The following TNFRSF9 variants were observed in gnomAD, a reference collection of about 807,000 sequenced individuals.
TNFRSF9 encodes TNF receptor superfamily member 9, also known as tumor necrosis factor receptor superfamily member 9.
Under a neutral mutation model 28.8 loss-of-function variants are expected in TNFRSF9, and 16 were observed. The observed-to-expected ratio is 0.55, with a 90% CI of 0.38 to 0.84. TNFRSF9 has a LOEUF of 0.84. Ranked by LOEUF, TNFRSF9 falls within the 40% of genes least tolerant of loss-of-function variation. The pLI is 0.00. For missense variants in TNFRSF9, 303 were observed against 315.0 expected (o/e 0.96, Z 0.29); for synonymous variants, 131 against 117.0 (o/e 1.12, Z -0.77).
chr1:7,935,225 C>A, intron 5 of TNFRSF9, 82 bp from the exon 6 acceptor site: 1 of 1,480,180 alleles, frequency 6.8e-7, no homozygotes, highest in East Asian at 2.4e-5. Context: ...ATTTTTCACC[C>A]AATGAAGTAG....
chr1:7,922,998 G>C (rs901977229), intron 7 of TNFRSF9, among the ~76,000 whole-genome samples: 1 of 151,316 alleles, frequency 6.6e-6, no homozygotes, highest in Non-Finnish European at 1.5e-5. Context: ...CGCCTCTTGG[G>C]TTCAAGCGGT....
At chr1:7,936,929 G>T (rs933014133) in intron 5 of TNFRSF9, among the ~76,000 whole-genome samples, 1 of 152,184 alleles carries the variant, frequency 6.6e-6, no homozygotes, top group South Asian at 2.1e-4. Flanking sequence ...GTAAGTTCTG[G>T]TTCCACAAAA....
At position 7,920,719 on chromosome 1, in the gene TNFRSF9, G is replaced by A. The variant is rs568936608; in HGVS notation, c.*116C>T. 3.7e-6 allele frequency: 3 copies of A among 815,586 alleles called. No individual in the cohort carries two copies. The highest frequency in any genetic ancestry group is 2.2e-5 in the Admixed American group (1 of 44,446). The allele number at this position is 815,586 out of a possible 1,614,324, so 50.5% of individuals were successfully genotyped here. A position where few individuals can be genotyped will look rare whatever the true frequency, so the allele number is the denominator to read the frequency against. On this transcript the variant is annotated 3_prime_UTR_variant, in exon 8 of 8. Coordinates refer to ENST00000377507, the MANE Select transcript of TNFRSF9 (RefSeq NM_001561.6). ...CATTTAGAAAAGAACGTGTGTTGGG[G>A]GAATCCTGGGTATTATGTAGGATGG...
chr1:7,924,334 T>A (rs1030020945), intron 7 of TNFRSF9, among the ~76,000 whole-genome samples: 1 of 122,996 alleles, frequency 8.1e-6, no homozygotes, highest in African/African-American at 3.0e-5. Flanking sequence ...TATATATATA[T>A]AACCAGTTAA....
In TNFRSF9 at chr1:7,932,313, A is replaced by C. The variant is rs79671887; in HGVS notation, c.679+849T>G. 7.9e-4 allele frequency among the ~76,000 whole-genome samples: 121 copies of C among 152,250 alleles called. 2 individuals carry two copies. In the East Asian group the frequency reaches 0.021, roughly 26 times the overall value. ...TATTAAGCCTGTTATGTCTCATCCT[A>C]ATGTCCATGAAGACAAAAAACAGAT... On this transcript the variant is annotated intron_variant, in intron 7 of 7. Transcript: ENST00000377507.
Position 7,917,981 on chromosome 1 carries a change from T to G in TNFRSF9, c.*2854A>C, listed in dbSNP as rs1030908366. The G allele has an allele frequency of 5.1e-4, 74 of 146,280 alleles. No individual in the cohort carries two copies. The highest frequency in any genetic ancestry group is 1.7e-3 in the African/African-American group (64 of 37,698). 9.1% of individuals were successfully genotyped at this position (146,280 alleles called of 1,614,324 possible). A position where few individuals can be genotyped will look rare whatever the true frequency, so the allele number is the denominator to read the frequency against. On this transcript the variant is annotated 3_prime_UTR_variant, in exon 8 of 8. Coordinates refer to ENST00000377507, the MANE Select transcript of TNFRSF9 (RefSeq NM_001561.6). Reference sequence around the variant, plus strand: ...ATATATATATATATATATATAGATATAGATAGATAGATAGATAGATAGGCA... The same window carrying G: ...ATATATATATATATATATATAGATAGAGATAGATAGATAGATAGATAGGCA...
Position 7,917,983 on chromosome 1 carries a change from G to T in TNFRSF9, c.*2852C>A, listed in dbSNP as rs1259771166. 7.0e-4 allele frequency: 101 copies of T among 144,732 alleles called. No individual in the cohort carries two copies. Among genetic ancestry groups the T allele is most frequent in the African/African-American group, 2.5e-3 (89 of 36,168 alleles). 9.0% of individuals were successfully genotyped at this position (144,732 alleles called of 1,614,324 possible). A position where few individuals can be genotyped will look rare whatever the true frequency, so the allele number is the denominator to read the frequency against. On this transcript the variant is annotated 3_prime_UTR_variant, in exon 8 of 8. Transcript: ENST00000377507. Reference sequence around the variant, plus strand: ...ATATATATATATATATATAGATATAGATAGATAGATAGATAGATAGGCAGA... The same window carrying T: ...ATATATATATATATATATAGATATATATAGATAGATAGATAGATAGGCAGA...
chr1:7,938,299 G>A lies in TNFRSF9; in HGVS notation c.240C>T (p.Ser80=), dbSNP rs2151420061. 1 of 1,609,234 alleles carries A rather than the reference G, an allele frequency of 6.2e-7. No homozygotes were observed. The highest frequency in any genetic ancestry group is 2.2e-5 in the East Asian group (1 of 44,592). Residue 80 remains serine, a synonymous_variant, in exon 4 of 8, where the codon TCC becomes TCT. Coordinates refer to ENST00000377507, the MANE Select transcript of TNFRSF9 (RefSeq NM_001561.6). Reference sequence around the variant, plus strand: ...TGCAGTCACACTCTGCATTGCTGGTGGAGGAACACTCCTTCCTGGTCCTGA... The same window carrying A: ...TGCAGTCACACTCTGCATTGCTGGTAGAGGAACACTCCTTCCTGGTCCTGA... ...GVFRTRKECS[S]TSNAECDCTP...
intron 6 of TNFRSF9, among the ~76,000 whole-genome samples, chr1:7,933,712 G>T (rs1386047344): frequency 3.3e-5 from 5 of 151,510 alleles, no homozygotes; most frequent in Non-Finnish European, 7.4e-5. Context: ...AGAAAAGAAA[G>T]AAAAGAAAAA....
chr1:7,925,235 G>A (rs769698276), intron 7 of TNFRSF9, among the ~76,000 whole-genome samples: 2 of 151,896 alleles, frequency 1.3e-5, no homozygotes, highest in African/African-American at 4.8e-5. Context: ...TTGAACCTGG[G>A]AGGTGCAGGC....
rs1383551650 is a variant in TNFRSF9 at position 7,916,558 on chromosome 1, C to A, written c.*4277G>T. ...GATACCCCAACCCTGTGGGGCATGA[C>A]CAGTCTCTTTCTGTTTGTGGATAGT... On this transcript the variant is annotated 3_prime_UTR_variant, in exon 8 of 8. Transcript: ENST00000377507. 6.6e-6 allele frequency: 1 copy of A among 152,154 alleles called. No homozygotes were observed. The highest frequency in any genetic ancestry group is 1.9e-4 in the East Asian group (1 of 5,196). The allele number at this position is 152,154 out of a possible 1,614,324, so 9.4% of individuals were successfully genotyped here.
intron 7 of TNFRSF9, chr1:7,921,929 G>A (rs1408561161): frequency 1.3e-5 from 2 of 152,012 alleles, no homozygotes; most frequent in South Asian, 2.1e-4. Context: ...ACTTATTTTC[G>A]TCTTGAGGGT....
chr1:7,927,822 T>A (rs1639677154), intron 7 of TNFRSF9, among the ~76,000 whole-genome samples: 1 of 151,844 alleles, frequency 6.6e-6, no homozygotes, highest in Admixed American at 6.6e-5. Flanking sequence ...AAACTGGACT[T>A]CAGCAAAATT....
intron 7 of TNFRSF9, among the ~76,000 whole-genome samples, chr1:7,927,672 A>G (rs926724645): frequency 6.6e-6 from 1 of 152,134 alleles, no homozygotes; most frequent in African/African-American, 2.4e-5. Context: ...TGTCTCAGAA[A>G]AAAAAAATCA....
chr1:7,928,742 G>A (rs1639689140), intron 7 of TNFRSF9, among the ~76,000 whole-genome samples: 1 of 152,076 alleles, frequency 6.6e-6, no homozygotes, highest in Admixed American at 6.6e-5. Context: ...AGCCGGGCAT[G>A]GTGGCAGCTG....
intron 7 of TNFRSF9, among the ~76,000 whole-genome samples, chr1:7,928,074 C>T (rs542670996): frequency 2.3e-4 from 35 of 152,142 alleles, no homozygotes; most frequent in African/African-American, 8.2e-4. Flanking sequence ...AGATGTCCAC[C>T]CATAAGGGAA....
Position 7,938,296 on chromosome 1 carries a change from G to A in TNFRSF9, c.243C>T (p.Thr81=), listed in dbSNP as rs751317296. 1.2e-6 allele frequency: 2 copies of A among 1,609,298 alleles called. No individual in the cohort carries two copies. The highest frequency in any genetic ancestry group is 1.1e-5 in the South Asian group (1 of 90,354). The part of the protein sequence containing the change: ...VFRTRKECSS[T]SNAECDCTPG... ...GAGTGCAGTCACACTCTGCATTGCT[G>A]GTGGAGGAACACTCCTTCCTGGTCC... The change falls in exon 4 of 8, where the codon ACC becomes ACT. Residue 81 remains threonine, a synonymous_variant. Coordinates refer to ENST00000377507, the MANE Select transcript of TNFRSF9 (RefSeq NM_001561.6).
chr1:7,940,516 C>T (rs1639885918), intron 1 of TNFRSF9, among the ~76,000 whole-genome samples: 1 of 152,126 alleles, frequency 6.6e-6, no homozygotes, highest in South Asian at 2.1e-4. Flanking sequence ...AGCTGAACAC[C>T]TAACTACTAA....
chr1:7,923,464 T>G (rs1483608185), intron 7 of TNFRSF9, among the ~76,000 whole-genome samples: 1 of 152,172 alleles, frequency 6.6e-6, no homozygotes, highest in Non-Finnish European at 1.5e-5. Flanking sequence ...CCTCCACCCC[T>G]GCCTGGCCGT....
Sources: allele counts gnomAD v4.1 joint callset (sites outside exome capture counted in the v4.1 genomes callset), GRCh38; gene constraint gnomAD v4.1.1; transcripts MANE v1.5; gene names NCBI Gene and HGNC (gene_info 2026-07-23, HGNC 2026-07-21).